The following EYA2 variants were observed in gnomAD, a reference collection of about 807,000 sequenced individuals.
The protein encoded by EYA2 is protein phosphatase EYA2.
In EYA2, 31 loss-of-function variants were observed where a neutral mutation model predicts 69.2. The ratio of observed to expected loss-of-function variants is 0.45; its 90% CI spans 0.34 to 0.60. The LOEUF (loss-of-function observed/expected upper bound fraction) is 0.60, where lower values mean the gene tolerates loss of function less well. EYA2 is among the 20% of genes least tolerant of loss of function. The pLI is 0.02. For synonymous variants in EYA2, 257 were observed against 279.4 expected (o/e 0.92, Z 0.80); for missense variants, 622 against 701.2 (o/e 0.89, Z 1.28).
rs75230142 is a variant in EYA2 at position 47,058,934 on chromosome 20, C to T, written c.416-13251C>T. On this transcript the variant is annotated intron_variant, in intron 5 of 15. Transcript: ENST00000327619. ...ATGCTGGGAGAAAACAGAAACCCCA[C>T]AAAACAATACACACAGAATTTACAG... Among the ~76,000 whole-genome samples, 139 of 152,318 alleles carry T rather than the reference C, an allele frequency of 9.1e-4. 3 individuals carry two copies. In the East Asian group the frequency reaches 0.025, roughly 27 times the overall value.
intron 5 of EYA2, among the ~76,000 whole-genome samples, chr20:47,040,041 A>G (rs983020688): frequency 2.0e-5 from 3 of 151,840 alleles, no homozygotes; most frequent in Non-Finnish European, 2.9e-5. Context: ...GGGTTTCACC[A>G]TGTTGGCCAG....
In EYA2 at chr20:47,166,406, A is replaced by T. The variant is rs1471118156; in HGVS notation, c.979-2733A>T. Among the ~76,000 whole-genome samples the T allele has an allele frequency of 9.0e-4, 115 of 127,772 alleles. 4 individuals are homozygous for T. Among genetic ancestry groups the T allele is most frequent in the Middle Eastern group, 7.3e-3 (2 of 274 alleles). The allele number at this position is 127,772 out of a possible 152,430, so 83.8% of individuals were successfully genotyped here. On this transcript the variant is annotated intron_variant, in intron 10 of 15. Transcript: ENST00000327619. Reference sequence around the variant, plus strand: ...AGCAAGACTGTCTAAAAAAAAAAAAAAAAAAAAAAAAAAAAAAAAAAAAAA... The same window carrying T: ...AGCAAGACTGTCTAAAAAAAAAAAATAAAAAAAAAAAAAAAAAAAAAAAAA...
intron 5 of EYA2, among the ~76,000 whole-genome samples, chr20:47,048,131 A>G (rs2030142889): frequency 6.6e-6 from 1 of 152,264 alleles, no homozygotes; most frequent in African/African-American, 2.4e-5. Flanking sequence ...GGATTAGGAC[A>G]TGAACACGTT....
intron 4 of EYA2, 26 bp from the exon 5 acceptor site, chr20:47,016,154 CT>C (rs567374244): frequency 2.6e-4 from 396 of 1,549,790 alleles, no homozygotes; most frequent in South Asian, 1.5e-3. Flanking sequence ...GTCCTTGGTC[CT>C]TTTTTTTCCC....
At chr20:47,106,060 G>A (rs976189431) in intron 9 of EYA2, among the ~76,000 whole-genome samples, 1 of 152,022 alleles carries the variant, frequency 6.6e-6, no homozygotes. Context: ...GCCAACGAGA[G>A]GCTTTAATAT....
intron 1 of EYA2, among the ~76,000 whole-genome samples, chr20:46,970,524 A>G (rs1476171718): frequency 6.6e-6 from 1 of 152,216 alleles, no homozygotes; most frequent in African/African-American, 2.4e-5. Flanking sequence ...AAAAACCTCA[A>G]TAGTGCCAAG....
chr20:47,108,409 C>T (rs1260971330), intron 9 of EYA2, among the ~76,000 whole-genome samples: 3 of 152,170 alleles, frequency 2.0e-5, no homozygotes, highest in Non-Finnish European at 4.4e-5. Context: ...AGCCTGAGGC[C>T]TCACCAGATG....
chr20:46,897,093 G>A (rs1983850512), intron 1 of EYA2, among the ~76,000 whole-genome samples: 1 of 152,070 alleles, frequency 6.6e-6, no homozygotes, highest in Non-Finnish European at 1.5e-5. Flanking sequence ...ATCATAAAGA[G>A]GTATGATTTG....
intron 5 of EYA2, among the ~76,000 whole-genome samples, chr20:47,057,691 T>C (rs767010510): frequency 1.3e-5 from 2 of 152,120 alleles, no homozygotes; most frequent in Non-Finnish European, 2.9e-5. Flanking sequence ...AATTGTAAGG[T>C]GGAAGGGGGG....
intron 10 of EYA2, among the ~76,000 whole-genome samples, chr20:47,151,839 G>T (rs1189897592): frequency 6.6e-6 from 1 of 152,016 alleles, no homozygotes; most frequent in Non-Finnish European, 1.5e-5. Context: ...CATGTCCACT[G>T]TGTTCACTGC....
chr20:47,161,727 G>T, intron 10 of EYA2: 1 of 194,718 alleles, frequency 5.1e-6, no homozygotes, highest in South Asian at 8.9e-5. Flanking sequence ...TGTTTTCTTG[G>T]AGAAGAAAGA....
At chr20:47,083,791 A>G (rs1285629017) in intron 7 of EYA2, among the ~76,000 whole-genome samples, 1 of 152,204 alleles carries the variant, frequency 6.6e-6, no homozygotes, top group Non-Finnish European at 1.5e-5. Context: ...AAGAATATAA[A>G]CTGGACTTCA....
chr20:47,155,039 A>T (rs1193578496), intron 10 of EYA2, among the ~76,000 whole-genome samples: 1 of 151,820 alleles, frequency 6.6e-6, no homozygotes, highest in Non-Finnish European at 1.5e-5. Context: ...TATTTTTAGT[A>T]GAGACAGGGT....
chr20:47,105,201 C>G (rs1178430067), intron 9 of EYA2, among the ~76,000 whole-genome samples: 1 of 152,212 alleles, frequency 6.6e-6, no homozygotes. Context: ...TATGACCAGT[C>G]TTGACCTTTA....
At chr20:46,923,377 AAAG>A (rs1320750497) in intron 1 of EYA2, among the ~76,000 whole-genome samples, 2 of 152,194 alleles carry the variant, frequency 1.3e-5, no homozygotes, top group African/African-American at 4.8e-5. Flanking sequence ...AAAACAAACA[AAAG>A]AAATGTTCTA....
chr20:47,010,334 C>T (rs1982980074), intron 4 of EYA2, among the ~76,000 whole-genome samples: 1 of 143,848 alleles, frequency 7.0e-6, no homozygotes. Context: ...GCTGTGCTCG[C>T]AGCAGGTGGG....
At chr20:47,047,434 T>G (rs570593534) in intron 5 of EYA2, among the ~76,000 whole-genome samples, 1 of 149,942 alleles carries the variant, frequency 6.7e-6, no homozygotes, top group South Asian at 2.1e-4. Context: ...TCACCCGGGT[T>G]GGAGTGCAGT....
At position 47,152,384 on chromosome 20, in the gene EYA2, CT is replaced by C. The variant is rs201890248; in HGVS notation, c.978+9251del. Among the ~76,000 whole-genome samples the C allele has an allele frequency of 1.6e-3, 231 of 142,052 alleles. 3 individuals are homozygous for C. Among genetic ancestry groups the C allele is most frequent in the Middle Eastern group, 3.7e-3 (1 of 272 alleles). The allele number at this position is 142,052 out of a possible 152,430, so 93.2% of individuals were successfully genotyped here. A position where few individuals can be genotyped will look rare whatever the true frequency, so the allele number is the denominator to read the frequency against. Reference sequence around the variant, plus strand: ...GTGTTGGGAGGACAGGGGAGTGTACCTTTTTTTTTTTTTTTCTCAAAGAGTG... The same window carrying C: ...GTGTTGGGAGGACAGGGGAGTGTACCTTTTTTTTTTTTTTCTCAAAGAGTG... On this transcript the variant is annotated intron_variant, in intron 10 of 15. Coordinates refer to ENST00000327619, the MANE Select transcript of EYA2 (RefSeq NM_005244.5).
At chr20:46,933,805 T>C (rs1985779275) in intron 1 of EYA2, among the ~76,000 whole-genome samples, 1 of 152,210 alleles carries the variant, frequency 6.6e-6, no homozygotes, top group Admixed American at 6.5e-5. Flanking sequence ...TTTGCAGAAA[T>C]ACACAAGGTC....
Sources: allele counts gnomAD v4.1 joint callset (sites outside exome capture counted in the v4.1 genomes callset), GRCh38; gene constraint gnomAD v4.1.1; transcripts MANE v1.5; gene names NCBI Gene and HGNC (gene_info 2026-07-23, HGNC 2026-07-21).